The following ASIC2 variants were observed in gnomAD, a reference collection of about 807,000 sequenced individuals.
ASIC2 encodes acid-sensing ion channel 2.
A neutral mutation model predicts 57.3 loss-of-function variants in ASIC2; 25 were observed. That is an observed-to-expected ratio of 0.44 (90% CI 0.32 to 0.61). The LOEUF is 0.61. ASIC2 is among the 20% of genes least tolerant of loss of function. The pLI is 0.06. For missense variants in ASIC2, 641 were observed against 738.1 expected, an observed-to-expected ratio of 0.87 and a Z score of 1.52; for synonymous variants, 319 against 307.5, an observed-to-expected ratio of 1.04 and a Z score of -0.39.
intron 3 of ASIC2, among the ~76,000 whole-genome samples, chr17:33,046,163 C>T (rs1278940419): frequency 6.6e-6 from 1 of 152,172 alleles, no homozygotes; most frequent in Non-Finnish European, 1.5e-5. Context: ...ACACATATGA[C>T]ATTTACATGG....
At chr17:33,715,142 G>A (rs1201355497) in intron 1 of ASIC2, among the ~76,000 whole-genome samples, 1 of 151,784 alleles carries the variant, frequency 6.6e-6, no homozygotes, top group Non-Finnish European at 1.5e-5. Flanking sequence ...CAGGACTATA[G>A]GAAGATGCTG....
intron 1 of ASIC2, among the ~76,000 whole-genome samples, chr17:34,061,564 TA>T (rs1908970581): frequency 2.0e-5 from 3 of 152,186 alleles, no homozygotes; most frequent in Admixed American, 2.0e-4. Flanking sequence ...ATGCTCCACT[TA>T]AAAGATACAG....
chr17:34,098,210 CA>C (rs1394505274), intron 1 of ASIC2, among the ~76,000 whole-genome samples: 1 of 152,154 alleles, frequency 6.6e-6, no homozygotes, highest in Non-Finnish European at 1.5e-5. Context: ...ACTGTGCAGA[CA>C]AAGCGCATGG....
chr17:33,624,493 A>G (rs1433191678), intron 1 of ASIC2, among the ~76,000 whole-genome samples: 1 of 152,226 alleles, frequency 6.6e-6, no homozygotes, highest in Non-Finnish European at 1.5e-5. Context: ...TGGACAAGTC[A>G]CGTTTTCTCC....
At chr17:34,059,717 C>A (rs1196122715) in intron 1 of ASIC2, among the ~76,000 whole-genome samples, 1 of 152,176 alleles carries the variant, frequency 6.6e-6, no homozygotes, top group East Asian at 1.9e-4. Flanking sequence ...CTGTGACTGC[C>A]GGCTTTCCCC....
At chr17:33,757,326 G>A (rs976882466) in intron 1 of ASIC2, among the ~76,000 whole-genome samples, 2 of 152,144 alleles carry the variant, frequency 1.3e-5, no homozygotes, top group African/African-American at 4.8e-5. Flanking sequence ...GGGACAAAAG[G>A]CAGAAGTTTC....
intron 1 of ASIC2, among the ~76,000 whole-genome samples, chr17:33,411,906 G>T (rs1479371864): frequency 6.6e-6 from 1 of 152,194 alleles, no homozygotes; most frequent in African/African-American, 2.4e-5. Flanking sequence ...ACTTTAGGGT[G>T]TCATAAATAA....
rs562131995 is a variant in ASIC2 at position 33,605,821 on chromosome 17, C to T, written c.556-493754G>A. On this transcript the variant is annotated intron_variant, in intron 1 of 9. Coordinates refer to the ASIC2 transcript ENST00000359872. ...TCAGCCCAAACTGGGTCCCTGGCAG[C>T]CTTGCCATGCATTCATGCTCATCCC... Among the ~76,000 whole-genome samples the T allele has an allele frequency of 3.7e-4, 56 of 152,274 alleles. 1 individual carries two copies. The highest frequency in any genetic ancestry group is 7.1e-4 in the Non-Finnish European group (48 of 68,010).
intron 1 of ASIC2, among the ~76,000 whole-genome samples, chr17:34,154,985 C>A (rs187801005): frequency 1.2e-4 from 18 of 152,110 alleles, no homozygotes; most frequent in African/African-American, 4.3e-4. Flanking sequence ...AGCAACAGTG[C>A]TCCTCTCGTC....
At chr17:33,831,818 C>A (rs915444494) in intron 1 of ASIC2, among the ~76,000 whole-genome samples, 5 of 152,108 alleles carry the variant, frequency 3.3e-5, no homozygotes, top group African/African-American at 1.2e-4. Flanking sequence ...CAAAAAGGCC[C>A]AGAAACAATC....
chr17:33,495,749 T>G (rs1421386251), intron 1 of ASIC2, among the ~76,000 whole-genome samples: 2 of 152,122 alleles, frequency 1.3e-5, no homozygotes, highest in African/African-American at 2.4e-5. Context: ...TCCTGTGAAC[T>G]GTGGGGAGGC....
chr17:34,140,844 A>T (rs1912253652), intron 1 of ASIC2, among the ~76,000 whole-genome samples: 1 of 152,228 alleles, frequency 6.6e-6, no homozygotes. Context: ...AAAAACCATC[A>T]TTTGGCAAGG....
chr17:33,352,783 C>T (rs1377483160), intron 1 of ASIC2, among the ~76,000 whole-genome samples: 1 of 152,170 alleles, frequency 6.6e-6, no homozygotes, highest in Non-Finnish European at 1.5e-5. Context: ...CACCTGCTGC[C>T]TCTCAGGCTC....
chr17:33,809,339 G>A (rs560407877), intron 1 of ASIC2, among the ~76,000 whole-genome samples: 25 of 152,344 alleles, frequency 1.6e-4, no homozygotes, highest in African/African-American at 6.0e-4. Flanking sequence ...GACGAAAGAG[G>A]TAGTGGTTGC....
At chr17:33,418,188 AC>A (rs1597721618) in intron 1 of ASIC2, among the ~76,000 whole-genome samples, 1 of 151,452 alleles carries the variant, frequency 6.6e-6, no homozygotes, top group African/African-American at 2.4e-5. Context: ...CTAGTTTGAA[AC>A]TCCACAGTGC....
At chr17:33,746,434 ATGTATATATG>A (rs76713046) in intron 1 of ASIC2, among the ~76,000 whole-genome samples, 66,787 of 147,690 alleles carry the variant, frequency 0.45, 17,252 homozygotes, top group Non-Finnish European at 0.58. Flanking sequence ...GTATATGAAT[ATGTATATATG>A]TGTATATATG....
chr17:33,474,074 A>G (rs1348145663), intron 1 of ASIC2, among the ~76,000 whole-genome samples: 1 of 152,202 alleles, frequency 6.6e-6, no homozygotes, highest in Admixed American at 6.5e-5. Context: ...CCTAACAAGA[A>G]ACAGATGGCA....
chr17:33,423,702 T>C (rs1911120390), intron 1 of ASIC2, among the ~76,000 whole-genome samples: 1 of 151,822 alleles, frequency 6.6e-6, no homozygotes, highest in Admixed American at 6.6e-5. Context: ...AACCAGTGAC[T>C]CTCTTGGGGT....
At chr17:33,661,013 C>A (rs189096088) in intron 1 of ASIC2, among the ~76,000 whole-genome samples, 68 of 152,308 alleles carry the variant, frequency 4.5e-4, no homozygotes, top group Middle Eastern at 3.4e-3. Flanking sequence ...ACTATCCGGT[C>A]TGTTGGAGAT....
Sources: allele counts gnomAD v4.1 joint callset (sites outside exome capture counted in the v4.1 genomes callset), GRCh38; gene constraint gnomAD v4.1.1; transcripts MANE v1.5; gene names NCBI Gene and HGNC (gene_info 2026-07-23, HGNC 2026-07-21).